Variants in NRXN1 observed in about 807,000 individuals in gnomAD.
NRXN1 encodes the protein neurexin-1.
NRXN1 carries 39 observed loss-of-function variants against 150.9 expected under a neutral mutation model. The observed-to-expected ratio is 0.26, with a 90% CI of 0.20 to 0.34. The LOEUF is 0.34. Among genes scored for constraint, NRXN1 ranks in the 10% least tolerant of loss-of-function variants. The probability of loss-of-function intolerance (pLI) is 1.00; values close to 1 mark genes in which losing one functional copy is unlikely to be tolerated. For synonymous variants in NRXN1, 924 were observed against 757.0 expected, an observed-to-expected ratio of 1.22 and a Z score of -3.62; for missense variants, 1,815 against 1,949.9, an observed-to-expected ratio of 0.93 and a Z score of 1.30.
At chr2:50,386,816 A>G (rs1039874518) in intron 17 of NRXN1, among the ~76,000 whole-genome samples, 1 of 152,178 alleles carries the variant, frequency 6.6e-6, no homozygotes, top group Admixed American at 6.6e-5. Context: ...TGAGCAAGGC[A>G]CTTAGCTTGC....
intron 5 of NRXN1, among the ~76,000 whole-genome samples, chr2:50,742,865 T>A (rs1699596013): frequency 6.6e-6 from 1 of 151,326 alleles, no homozygotes; most frequent in Non-Finnish European, 1.5e-5. Flanking sequence ...TACTTCCACA[T>A]TTTCACATTA....
intron 17 of NRXN1, among the ~76,000 whole-genome samples, chr2:50,259,319 T>G (rs959524875): frequency 6.6e-6 from 1 of 151,908 alleles, no homozygotes; most frequent in African/African-American, 2.4e-5. Flanking sequence ...TCAGGACTGT[T>G]GCTTCAACTG....
intron 18 of NRXN1, among the ~76,000 whole-genome samples, chr2:50,158,600 C>A (rs2059169166): frequency 6.6e-6 from 1 of 151,896 alleles, no homozygotes; most frequent in African/African-American, 2.4e-5. Flanking sequence ...AACTAAAGTT[C>A]TTTGTGAAGG....
chr2:50,606,219 T>C (rs562459185), intron 8 of NRXN1, among the ~76,000 whole-genome samples: 22 of 135,650 alleles, frequency 1.6e-4, no homozygotes, highest in Non-Finnish European at 3.4e-4. Flanking sequence ...ACTGCACTCC[T>C]GCCTGGCCAA....
intron 12 of NRXN1, among the ~76,000 whole-genome samples, chr2:50,509,561 G>C (rs1292955742): frequency 2.6e-5 from 4 of 152,150 alleles, no homozygotes; most frequent in Admixed American, 1.3e-4. Flanking sequence ...GTTTCCAGCT[G>C]ATCTTTACAG....
At chr2:50,241,284 T>G (rs191265083) in intron 17 of NRXN1, among the ~76,000 whole-genome samples, 239 of 151,886 alleles carry the variant, frequency 1.6e-3, no homozygotes, top group African/African-American at 5.6e-3. Context: ...CCAGCTAGCT[T>G]TTTAAAAATT....
chr2:50,616,215 C>T (rs988834674), intron 8 of NRXN1: 2 of 151,872 alleles, frequency 1.3e-5, no homozygotes, highest in African/African-American at 2.4e-5. Flanking sequence ...TTTGAATTCC[C>T]GGCCATTCAA....
chr2:50,603,237 G>C (rs954032538), intron 8 of NRXN1, among the ~76,000 whole-genome samples: 8 of 152,266 alleles, frequency 5.3e-5, no homozygotes, highest in African/African-American at 1.4e-4. Flanking sequence ...TATACCCTAT[G>C]ACTGGACTAT....
intron 5 of NRXN1, among the ~76,000 whole-genome samples, chr2:50,888,565 T>TCA (rs1318617077): frequency 6.6e-6 from 1 of 151,628 alleles, no homozygotes; most frequent in Non-Finnish European, 1.5e-5. Flanking sequence ...CCTCTCTCTC[T>TCA]CACTCTCTGC....
At position 51,019,139 on chromosome 2, in the gene NRXN1, C is replaced by T. The variant is rs559244869; in HGVS notation, c.772+8363G>A. 3.9e-5 allele frequency among the ~76,000 whole-genome samples: 6 copies of T among 152,128 alleles called. 1 individual carries two copies. Among genetic ancestry groups the T allele is most frequent in the African/African-American group, 7.2e-5 (3 of 41,526 alleles). On this transcript the variant is annotated intron_variant, in intron 2 of 22. Transcript: ENST00000401669. ...AACAGCCCAGCATCCCTTTGATAAG[C>T]GAAATATACAAGTTGTGTCATACAA...
At chr2:50,943,489 T>C (rs1307007914) in intron 2 of NRXN1, among the ~76,000 whole-genome samples, 2 of 152,222 alleles carry the variant, frequency 1.3e-5, no homozygotes, top group African/African-American at 4.8e-5. Flanking sequence ...TTTCTCTTTT[T>C]AGACCAGTGC....
chr2:50,778,982 G>A (rs1442224420), intron 5 of NRXN1, among the ~76,000 whole-genome samples: 1 of 152,052 alleles, frequency 6.6e-6, no homozygotes, highest in East Asian at 1.9e-4. Context: ...TTTATGCCTT[G>A]CCAAGACTAT....
chr2:50,787,727 A>T (rs1417965765), intron 5 of NRXN1, among the ~76,000 whole-genome samples: 1 of 147,854 alleles, frequency 6.8e-6, no homozygotes, highest in East Asian at 2.0e-4. Flanking sequence ...AAAAAAAAAA[A>T]TCAGGGCTTT....
At chr2:50,109,016 G>A (rs2152722376) in intron 18 of NRXN1, among the ~76,000 whole-genome samples, 1 of 152,198 alleles carries the variant, frequency 6.6e-6, no homozygotes, top group South Asian at 2.1e-4. Flanking sequence ...CTCATAAGGA[G>A]TGGCAAAGAT....
In NRXN1 at chr2:50,998,365, C is replaced by T. The variant is rs1291324579; in HGVS notation, c.772+29137G>A. Among the ~76,000 whole-genome samples the T allele has an allele frequency of 2.0e-5, 3 of 151,182 alleles. No individual in the cohort carries two copies. The East Asian group carries it at 5.9e-4, about 29-fold the overall frequency. On this transcript the variant is annotated intron_variant, in intron 2 of 22. Coordinates refer to ENST00000401669, the MANE Select transcript of NRXN1 (RefSeq NM_001330078.2). ...TCACTGCATATAGGGTATTGAAATA[C>T]AGAAGCCATTTCTTGTGTAGCACCC...
intron 5 of NRXN1, among the ~76,000 whole-genome samples, chr2:50,798,383 G>A (rs574573447): frequency 6.6e-6 from 1 of 152,114 alleles, no homozygotes; most frequent in Non-Finnish European, 1.5e-5. Context: ...AAGTATTAGA[G>A]TACTCATAAA....
intron 18 of NRXN1, among the ~76,000 whole-genome samples, chr2:50,200,874 CT>C (rs1412619214): frequency 3.9e-5 from 6 of 152,022 alleles, no homozygotes; most frequent in Non-Finnish European, 8.8e-5. Context: ...CTTCCTATTT[CT>C]TTTTTTCATT....
chr2:50,613,132 A>G (rs1162707367), intron 8 of NRXN1, among the ~76,000 whole-genome samples: 3 of 152,178 alleles, frequency 2.0e-5, no homozygotes, highest in African/African-American at 7.2e-5. Flanking sequence ...ATCATCTTCC[A>G]TGTTTTAAAT....
chr2:50,778,808 C>T (rs191454288), intron 5 of NRXN1, among the ~76,000 whole-genome samples: 139 of 152,208 alleles, frequency 9.1e-4, no homozygotes, highest in Non-Finnish European at 1.7e-3. Context: ...ACATGAATAA[C>T]CTAAATTTAT....
Sources: allele counts gnomAD v4.1 joint callset (sites outside exome capture counted in the v4.1 genomes callset), GRCh38; gene constraint gnomAD v4.1.1; transcripts MANE v1.5; gene names NCBI Gene and HGNC (gene_info 2026-07-23, HGNC 2026-07-21).